DHX9: variants seen among roughly 807,000 people sequenced by gnomAD.
DHX9 encodes the protein DExH-box helicase 9.
DHX9 carries 27 observed loss-of-function variants against 148.7 expected under a neutral mutation model. The ratio of observed to expected loss-of-function variants is 0.18; its 90% CI spans 0.13 to 0.25. The LOEUF is 0.25. Ranked by LOEUF, DHX9 falls within the 10% of genes least tolerant of loss-of-function variation. The probability of loss-of-function intolerance (pLI) is 1.00; values close to 1 mark genes in which losing one functional copy is unlikely to be tolerated. For missense variants in DHX9, 796 were observed against 1,559.6 expected (o/e 0.51, Z 8.25); for synonymous variants, 529 against 516.6 (o/e 1.02, Z -0.33).
At chr1:182,843,218 GACT>G in intron 2 of DHX9, 73 bp from the exon 3 acceptor site, 4 of 1,172,748 alleles carry the variant, frequency 3.4e-6, no homozygotes, top group Non-Finnish European at 4.5e-6. Context: ...TCTCTTAATG[GACT>G]ACTGAATTAC....
intron 24 of DHX9, among the ~76,000 whole-genome samples, chr1:182,882,207 A>T (rs1443451453): frequency 5.3e-5 from 8 of 152,248 alleles, no homozygotes; most frequent in Non-Finnish European, 1.0e-4. Context: ...CCTCAAAATT[A>T]TAAGAAAGGG....
At chr1:182,858,524 TG>T (rs762323586) in intron 8 of DHX9, 26 bp from the exon 9 acceptor site, 3 of 1,569,722 alleles carry the variant, frequency 1.9e-6, no homozygotes, top group Non-Finnish European at 2.6e-6. Context: ...TGAGTAGTGT[TG>T]TTAATGTGTG....
At position 182,887,384 on chromosome 1, in the gene DHX9, G is replaced by A. The variant is rs201196588; in HGVS notation, c.3763G>A (p.Ala1255Thr). The A allele has an allele frequency of 2.5e-6, 4 of 1,614,054 alleles. No individual in the cohort carries two copies. Among genetic ancestry groups the A allele is most frequent in the Non-Finnish European group, 3.4e-6 (4 of 1,179,992 alleles). Residue 1255 changes from alanine (A) to threonine (T), a missense_variant, in exon 28 of 28, where the codon GCC (alanine) becomes ACC (threonine). Coordinates refer to ENST00000367549, the MANE Select transcript of DHX9 (RefSeq NM_001357.5). ...GGFQRGGGRG[A>T]YGTGYFGQGR... ...ATTCCAGCGAGGAGGTGGTAGGGGG[G>A]CCTATGGAACTGGCTACTTTGGACA... is the stretch of plus-strand genomic sequence containing the variant.
At chr1:182,876,685 A>G in intron 18 of DHX9, 144 bp downstream of exon 18, 1 of 930,196 alleles carries the variant, frequency 1.1e-6, no homozygotes, top group Non-Finnish European at 1.6e-6. Context: ...TGAGCTTAGT[A>G]GATTGTTGTT....
At chr1:182,840,069 A>C (rs917911788) in intron 1 of DHX9, 5 of 152,404 alleles carry the variant, frequency 3.3e-5, no homozygotes, top group African/African-American at 7.2e-5. Context: ...AAAGCAGGCC[A>C]TGTGACTGGA....
chr1:182,876,055 T>C lies in DHX9; in HGVS notation c.1821T>C (p.Asn607=). 6.2e-7 allele frequency: 1 copy of C among 1,613,246 alleles called. No homozygotes were observed. The highest frequency in any genetic ancestry group is 8.5e-7 in the Non-Finnish European group (1 of 1,179,634). The change falls in exon 17 of 28, where the codon AAT becomes AAC. Residue 607 remains asparagine, a synonymous_variant. Transcript: ENST00000367549. ...DDDGGEDDDA[N]CNLICGDEYG... Reference sequence around the variant, plus strand: ...TGTCTCCCTGTTTTTTACAGGCAAATTGCAACTTGATCTGTGGTGATGAAT... The same window carrying C: ...TGTCTCCCTGTTTTTTACAGGCAAACTGCAACTTGATCTGTGGTGATGAAT...
intron 14 of DHX9, among the ~76,000 whole-genome samples, chr1:182,870,242 G>A (rs1374657412): frequency 6.6e-6 from 1 of 152,204 alleles, no homozygotes; most frequent in African/African-American, 2.4e-5. Context: ...TTATTTTCAA[G>A]TTGGTCCACA....
chr1:182,884,813 G>T lies in DHX9; in HGVS notation c.3461G>T (p.Arg1154Leu). The T allele has an allele frequency of 6.2e-7, 1 of 1,613,954 alleles. No individual in the cohort carries two copies. Among genetic ancestry groups the T allele is most frequent in the Non-Finnish European group, 8.5e-7 (1 of 1,179,912 alleles). Reference sequence around the variant, plus strand: ...ATCAACCTTATGATTGGCAGTACACGGTGAGTACCAATATACTTCTTACTG... The same window carrying T: ...ATCAACCTTATGATTGGCAGTACACTGTGAGTACCAATATACTTCTTACTG... ...AGINLMIGST[R>L]YGDGPRPPKM... is the part of the protein sequence containing the mutation. Residue 1154 changes from arginine (R) to leucine (L), a missense_variant and splice_region_variant, in exon 27 of 28, where the codon CGG (arginine) becomes CTG (leucine). Physicochemically the swap from Arg to Leu is moderately radical, Grantham distance 102 (BLOSUM62 -2). Transcript: ENST00000367549.
chr1:182,883,396 T>C (rs373054051), intron 25 of DHX9, 28 bp downstream of exon 25: 33 of 1,599,992 alleles, frequency 2.1e-5, no homozygotes, highest in Non-Finnish European at 2.8e-5. Context: ...AAGTTTACAT[T>C]GAAAGTTGAA....
intron 16 of DHX9, among the ~76,000 whole-genome samples, chr1:182,875,658 ATTAGAAAAT>A (rs1342019423): frequency 6.6e-6 from 1 of 152,228 alleles, no homozygotes; most frequent in Non-Finnish European, 1.5e-5. Context: ...TGAACAGCAG[ATTAGAAAAT>A]TTAGAAAAAG....
intron 25 of DHX9, 72 bp downstream of exon 25, chr1:182,883,440 G>C: frequency 6.3e-7 from 1 of 1,577,566 alleles, no homozygotes; most frequent in South Asian, 1.1e-5. Flanking sequence ...CATGAATTTT[G>C]ATTTTCAAAG....
intron 6 of DHX9, 74 bp from the exon 7 acceptor site, chr1:182,856,458 C>T: frequency 7.5e-7 from 1 of 1,334,014 alleles, no homozygotes; most frequent in Non-Finnish European, 1.1e-6. Flanking sequence ...GGAAAGCCTG[C>T]CTGACTTGGG....
rs1649369937 is a variant in DHX9 at position 182,887,189 on chromosome 1, A to G, written c.3568A>G (p.Ser1190Gly). 6.2e-7 allele frequency: 1 copy of G among 1,614,114 alleles called. No homozygotes were observed. Among genetic ancestry groups the G allele is most frequent in the Non-Finnish European group, 8.5e-7 (1 of 1,179,988 alleles). ...YSGGGYGGGY[S>G]SGGYGSGGYG... ...TGGTGGAGGCTATGGCGGTGGCTATAGCAGTGGAGGCTATGGTAGCGGAGG... is the reference window on the plus strand; with the variant it reads ...TGGTGGAGGCTATGGCGGTGGCTATGGCAGTGGAGGCTATGGTAGCGGAGG... Residue 1190 changes from serine to glycine, a missense_variant, in exon 28 of 28, where the codon AGC becomes GGC. Physicochemically the swap from Ser to Gly is moderately conservative, Grantham distance 56. This residue lies in a region of DHX9 where 98 missense variants were observed against 105.5 expected (regional missense o/e 0.93). Transcript: ENST00000367549.
chr1:182,863,208 T>C (rs1308186296), intron 12 of DHX9, among the ~76,000 whole-genome samples: 1 of 152,160 alleles, frequency 6.6e-6, no homozygotes, highest in Non-Finnish European at 1.5e-5. Flanking sequence ...AAGTGTAACA[T>C]AGTTAAAATA....
At chr1:182,863,205 A>G (rs1278124708) in intron 12 of DHX9, among the ~76,000 whole-genome samples, 1 of 152,188 alleles carries the variant, frequency 6.6e-6, no homozygotes, top group Non-Finnish European at 1.5e-5. Flanking sequence ...TCCAAGTGTA[A>G]CATAGTTAAA....
At chr1:182,842,967 A>G (rs1372186270) in intron 2 of DHX9, among the ~76,000 whole-genome samples, 1 of 152,246 alleles carries the variant, frequency 6.6e-6, no homozygotes, top group Non-Finnish European at 1.5e-5. Flanking sequence ...GCACGTTTAG[A>G]AAGCAGAGCA....
intron 3 of DHX9, among the ~76,000 whole-genome samples, chr1:182,843,837 A>C (rs1667975360): frequency 6.6e-6 from 1 of 152,134 alleles, no homozygotes; most frequent in Non-Finnish European, 1.5e-5. Flanking sequence ...TTGCTCTGTT[A>C]CCCAAGCTAG....
chr1:182,871,927 C>T (rs1648569241), intron 14 of DHX9, among the ~76,000 whole-genome samples: 1 of 152,182 alleles, frequency 6.6e-6, no homozygotes, highest in Non-Finnish European at 1.5e-5. Context: ...CTGCCTCAGT[C>T]TCCTGAGTAC....
intron 16 of DHX9, among the ~76,000 whole-genome samples, chr1:182,875,617 T>A (rs1374747470): frequency 1.3e-5 from 2 of 152,178 alleles, no homozygotes; most frequent in East Asian, 3.8e-4. Context: ...TAAGATTATA[T>A]CTTTTTAATC....
Sources: allele counts gnomAD v4.1 joint callset (sites outside exome capture counted in the v4.1 genomes callset), GRCh38; gene constraint gnomAD v4.1.1; regional missense constraint gnomAD v4.1.1; transcripts MANE v1.5; gene names NCBI Gene and HGNC (gene_info 2026-07-23, HGNC 2026-07-21).